MTA3: variants seen among roughly 807,000 people sequenced by gnomAD.
MTA3 encodes the protein metastasis-associated protein MTA3.
MTA3 carries 34 observed loss-of-function variants against 83.5 expected under a neutral mutation model. The observed-to-expected ratio is 0.41, with a 90% CI of 0.31 to 0.54. MTA3 has a LOEUF of 0.54. Ranked by LOEUF, MTA3 falls within the 20% of genes least tolerant of loss-of-function variation. The probability of loss-of-function intolerance (pLI) is 0.33; values close to 1 mark genes in which losing one functional copy is unlikely to be tolerated. For synonymous variants in MTA3, 303 were observed against 252.7 expected, an observed-to-expected ratio of 1.20 and a Z score of -1.89; for missense variants, 761 against 726.4, an observed-to-expected ratio of 1.05 and a Z score of -0.55.
At chr2:42,667,618 A>T (rs1558562451) in intron 8 of MTA3, among the ~76,000 whole-genome samples, 4,734 of 56,988 alleles carry the variant, frequency 0.083, 150 homozygotes, top group South Asian at 0.19. Flanking sequence ...GTATAGAGAG[A>T]GAAAGAGAGA....
intron 2 of MTA3, among the ~76,000 whole-genome samples, chr2:42,527,071 A>C: frequency 6.6e-6 from 1 of 150,982 alleles, no homozygotes; most frequent in Non-Finnish European, 1.5e-5. Flanking sequence ...AAAAAAAAAA[A>C]AAAAAAGAGC....
intron 14 of MTA3, among the ~76,000 whole-genome samples, chr2:42,711,136 A>C (rs566425206): frequency 1.2e-4 from 18 of 152,272 alleles, no homozygotes; most frequent in Non-Finnish European, 2.5e-4. Context: ...AATGAATGAG[A>C]CTTTTCCATT....
At chr2:42,733,351 T>C (rs1165486747) in intron 16 of MTA3, among the ~76,000 whole-genome samples, 3 of 152,272 alleles carry the variant, frequency 2.0e-5, no homozygotes, top group Non-Finnish European at 4.4e-5. Flanking sequence ...ACTTTTTCAC[T>C]ATCATGAGAA....
chr2:42,692,523 C>T (rs926030543), intron 9 of MTA3, among the ~76,000 whole-genome samples: 2 of 151,520 alleles, frequency 1.3e-5, no homozygotes, highest in African/African-American at 4.9e-5. Context: ...CTCCCGGGTT[C>T]AAGCAATTCT....
chr2:42,593,683 C>G (rs991354296), intron 3 of MTA3, among the ~76,000 whole-genome samples: 20 of 140,828 alleles, frequency 1.4e-4, no homozygotes, highest in African/African-American at 5.2e-4. Flanking sequence ...TGGCATCTAT[C>G]TTTATTTATT....
chr2:42,558,442 G>T lies in MTA3; in HGVS notation c.-140-11995G>T, dbSNP rs549827244. Among the ~76,000 whole-genome samples, 5 of 151,908 alleles carry T rather than the reference G, an allele frequency of 3.3e-5. No homozygotes were observed. The East Asian group carries it at 9.7e-4, about 29-fold the overall frequency. On this transcript the variant is annotated intron_variant, in intron 2 of 17. Coordinates refer to the MTA3 transcript ENST00000405592. ...ATTTTGTATTTTTAGTAGAGATGGGGTTTCTCCATGTTGGTCAGGCTGGTC... is the reference window on the plus strand; with the variant it reads ...ATTTTGTATTTTTAGTAGAGATGGGTTTTCTCCATGTTGGTCAGGCTGGTC...
At position 42,651,372 on chromosome 2, in the gene MTA3, CTTTA is replaced by C. The variant is rs913595983; in HGVS notation, c.500-4820_500-4817del. 5.5e-4 allele frequency among the ~76,000 whole-genome samples: 84 copies of C among 152,222 alleles called. 2 individuals carry two copies. The highest frequency in any genetic ancestry group is 3.4e-4 in the Non-Finnish European group (23 of 67,998). ...TTCAGTAATAAATTAGCTTGCTCAACTTTATTTATTTTTTTAACTTTTTGACTCT... is the reference window on the plus strand; with the variant it reads ...TTCAGTAATAAATTAGCTTGCTCAACTTTATTTTTTTAACTTTTTGACTCT... On this transcript the variant is annotated intron_variant, in intron 6 of 16. Coordinates refer to ENST00000405094, the MANE Select transcript of MTA3 (RefSeq NM_001330442.2).
chr2:42,695,527 T>C lies in MTA3; in HGVS notation c.892-238T>C, dbSNP rs749584318. 2.7e-4 allele frequency among the ~76,000 whole-genome samples: 41 copies of C among 149,234 alleles called. 1 individual carries two copies. The highest frequency in any genetic ancestry group is 1.9e-4 in the Non-Finnish European group (13 of 67,702). ...GGCATGTGCTTCTAATCCCAGCTGCTTGGGAGGCTAGGCAGAAGAATTGCC... is the reference window on the plus strand; with the variant it reads ...GGCATGTGCTTCTAATCCCAGCTGCCTGGGAGGCTAGGCAGAAGAATTGCC... On this transcript the variant is annotated intron_variant, in intron 9 of 16. Coordinates refer to ENST00000405094, the MANE Select transcript of MTA3 (RefSeq NM_001330442.2).
At chr2:42,667,148 A>G (rs942146031) in intron 8 of MTA3, among the ~76,000 whole-genome samples, 9 of 152,186 alleles carry the variant, frequency 5.9e-5, no homozygotes, top group African/African-American at 1.4e-4. Context: ...GGATCAAGCA[A>G]TCCTCTTGCA....
intron 6 of MTA3, among the ~76,000 whole-genome samples, chr2:42,650,755 A>G (rs1688645396): frequency 6.6e-6 from 1 of 152,192 alleles, no homozygotes; most frequent in African/African-American, 2.4e-5. Context: ...GGTAGTACAT[A>G]CAACATTGTT....
chr2:42,555,784 A>G (rs1253063365), intron 2 of MTA3, among the ~76,000 whole-genome samples: 2 of 149,054 alleles, frequency 1.3e-5, no homozygotes. Flanking sequence ...AAAGAAAGAA[A>G]GAAAAGGCCA....
chr2:42,594,728 A>ATATATATATATATTTTTTTTTTTTT, intron 3 of MTA3, among the ~76,000 whole-genome samples: 4 of 24,042 alleles, frequency 1.7e-4, no homozygotes, highest in Admixed American at 8.8e-4. Context: ...ATATATATAT[A>ATATATATATATATTTTTTTTTTTTT]TTTTTTTTTT....
chr2:42,652,368 A>C (rs1375875281), intron 6 of MTA3, among the ~76,000 whole-genome samples: 1 of 152,000 alleles, frequency 6.6e-6, no homozygotes, highest in Admixed American at 6.6e-5. Flanking sequence ...ACATATGCAG[A>C]TCTCCCCCCA....
chr2:42,595,921 T>C (rs1307053657), intron 3 of MTA3, among the ~76,000 whole-genome samples: 1 of 152,218 alleles, frequency 6.6e-6, no homozygotes, highest in African/African-American at 2.4e-5. Context: ...ACATTATATA[T>C]GTCCCCATCT....
chr2:42,571,421 T>C (rs1678467221), intron 2 of MTA3, among the ~76,000 whole-genome samples: 1 of 150,264 alleles, frequency 6.7e-6, no homozygotes, highest in African/African-American at 2.5e-5. Context: ...GTTGAGATTT[T>C]AGAGAGTTAT....
At chr2:42,713,084 A>G (rs1666757074) in intron 14 of MTA3, among the ~76,000 whole-genome samples, 1 of 152,248 alleles carries the variant, frequency 6.6e-6, no homozygotes, top group Admixed American at 6.5e-5. Context: ...TACTAGCAAC[A>G]TTCCAAAGAT....
chr2:42,754,578 G>A lies in MTA3; in HGVS notation c.*1179G>A, dbSNP rs1215790437. 1.6e-5 allele frequency: 16 copies of A among 985,340 alleles called. No individual in the cohort carries two copies. Among genetic ancestry groups the A allele is most frequent in the South Asian group, 4.7e-5 (1 of 21,288 alleles). 61.0% of individuals were successfully genotyped at this position (985,340 alleles called of 1,614,324 possible). Reference sequence around the variant, plus strand: ...CAAGGATAGGAATAGCTCAGCGCCCGATGAGCTCCCTGAGCAGATGTGAGG... The same window carrying A: ...CAAGGATAGGAATAGCTCAGCGCCCAATGAGCTCCCTGAGCAGATGTGAGG... On this transcript the variant is annotated 3_prime_UTR_variant, in exon 17 of 17. Transcript: ENST00000405094.
chr2:42,736,172 G>GC (rs1668600973), intron 16 of MTA3, among the ~76,000 whole-genome samples: 2 of 152,212 alleles, frequency 1.3e-5, no homozygotes, highest in African/African-American at 4.8e-5. Context: ...GGCACCTCCA[G>GC]CCCAGTAATG....
chr2:42,708,178 A>G lies in MTA3; in HGVS notation c.1302+124A>G, dbSNP rs1463498904. On this transcript the variant is annotated intron_variant, in intron 13 of 16. Coordinates refer to ENST00000405094, the MANE Select transcript of MTA3 (RefSeq NM_001330442.2). ...GAAAGCTACCTTTATAGCTAAACGT[A>G]GCACTACAATATTCAGGGTAGGTGT... The G allele has an allele frequency of 1.6e-5, 16 of 978,248 alleles. No individual in the cohort carries two copies. The East Asian group carries it at 4.4e-4, about 27-fold the overall frequency. 60.6% of individuals were successfully genotyped at this position (978,248 alleles called of 1,614,324 possible). A position where few individuals can be genotyped will look rare whatever the true frequency, so the allele number is the denominator to read the frequency against.
Sources: allele counts gnomAD v4.1 joint callset (sites outside exome capture counted in the v4.1 genomes callset), GRCh38; gene constraint gnomAD v4.1.1; transcripts MANE v1.5; gene names NCBI Gene and HGNC (gene_info 2026-07-23, HGNC 2026-07-21).